Variants in KCNJ3 observed in about 807,000 individuals in gnomAD.
KCNJ3 encodes G protein-activated inward rectifier potassium channel 1.
KCNJ3 carries 4 observed loss-of-function variants against 39.2 expected under a neutral mutation model. The observed-to-expected ratio is 0.10, with a 90% CI of 0.05 to 0.23. The LOEUF (loss-of-function observed/expected upper bound fraction) is 0.23, where lower values mean the gene tolerates loss of function less well. Ranked by LOEUF, KCNJ3 falls within the 10% of genes least tolerant of loss-of-function variation. KCNJ3 has a pLI of 1.00. For synonymous variants in KCNJ3, 230 were observed against 237.4 expected (o/e 0.97, Z 0.29); for missense variants, 276 against 634.9 (o/e 0.43, Z 6.08).
intron 2 of KCNJ3, among the ~76,000 whole-genome samples, chr2:154,733,999 A>G (rs1395844601): frequency 6.6e-6 from 1 of 152,168 alleles, no homozygotes; most frequent in East Asian, 1.9e-4. Flanking sequence ...AGAACTCTGT[A>G]TTACGTTTGC....
At chr2:154,729,102 TAATC>T (rs1685409891) in intron 2 of KCNJ3, among the ~76,000 whole-genome samples, 1 of 152,190 alleles carries the variant, frequency 6.6e-6, no homozygotes, top group Admixed American at 6.5e-5. Context: ...CTAAAACTAT[TAATC>T]AAGAATGGAA....
chr2:154,781,628 T>C (rs1686439798), intron 2 of KCNJ3, among the ~76,000 whole-genome samples: 1 of 152,198 alleles, frequency 6.6e-6, no homozygotes. Flanking sequence ...TTTAATAGCA[T>C]GCAAGATCTT....
At chr2:154,813,388 C>T (rs1227858505) in intron 2 of KCNJ3, among the ~76,000 whole-genome samples, 1 of 152,172 alleles carries the variant, frequency 6.6e-6, no homozygotes, top group East Asian at 1.9e-4. Flanking sequence ...CTCAAACAAA[C>T]ATTTTCATCA....
In KCNJ3 at chr2:154,818,464, A is replaced by G. The variant is rs1687117060; in HGVS notation, c.920-36263A>G. Among the ~76,000 whole-genome samples, 3 of 152,118 alleles carry G rather than the reference A, an allele frequency of 2.0e-5. No individual in the cohort carries two copies. The South Asian group carries it at 6.2e-4, about 31-fold the overall frequency. ...GAAGAATTGAGACAGCATCATTATT[A>G]CTTTGTTTTATTTAGCAGTCATTTG... On this transcript the variant is annotated intron_variant, in intron 2 of 2. Coordinates refer to ENST00000295101, the MANE Select transcript of KCNJ3 (RefSeq NM_002239.4).
intron 2 of KCNJ3, among the ~76,000 whole-genome samples, chr2:154,776,115 C>T (rs147122815): frequency 6.6e-6 from 1 of 151,950 alleles, no homozygotes; most frequent in African/African-American, 2.4e-5. Context: ...GATTCTCCTG[C>T]CTCAGCCTCC....
At chr2:154,824,562 A>G (rs1480512359) in intron 2 of KCNJ3, among the ~76,000 whole-genome samples, 1 of 152,172 alleles carries the variant, frequency 6.6e-6, no homozygotes, top group African/African-American at 2.4e-5. Flanking sequence ...TCAAGGATTT[A>G]TTGAGGTTCT....
At chr2:154,811,533 C>A (rs1687007870) in intron 2 of KCNJ3, among the ~76,000 whole-genome samples, 1 of 152,100 alleles carries the variant, frequency 6.6e-6, no homozygotes, top group African/African-American at 2.4e-5. Context: ...ACCTTGTGAT[C>A]CGCCCACCTT....
At chr2:154,747,220 C>T (rs1336117252) in intron 2 of KCNJ3, among the ~76,000 whole-genome samples, 1 of 151,916 alleles carries the variant, frequency 6.6e-6, no homozygotes, top group Non-Finnish European at 1.5e-5. Context: ...AAAACATACA[C>T]CCTTTAAGCT....
At chr2:154,716,703 G>T (rs947655078) in intron 2 of KCNJ3, among the ~76,000 whole-genome samples, 3 of 152,126 alleles carry the variant, frequency 2.0e-5, no homozygotes, top group Admixed American at 2.0e-4. Context: ...ATAAACTTCC[G>T]ATATTGGTTA....
chr2:154,817,139 T>TA (rs967101370), intron 2 of KCNJ3, among the ~76,000 whole-genome samples: 2 of 152,170 alleles, frequency 1.3e-5, no homozygotes, highest in African/African-American at 4.8e-5. Flanking sequence ...CCCCTGATAA[T>TA]AAGAACCTAT....
intron 2 of KCNJ3, among the ~76,000 whole-genome samples, chr2:154,724,372 G>A (rs1226506645): frequency 6.6e-6 from 1 of 151,968 alleles, no homozygotes; most frequent in Non-Finnish European, 1.5e-5. Flanking sequence ...GAATATCTTA[G>A]TTCAGTAAGT....
intron 2 of KCNJ3, among the ~76,000 whole-genome samples, chr2:154,759,404 G>A (rs568467762): frequency 1.2e-3 from 175 of 151,620 alleles, no homozygotes; most frequent in Non-Finnish European, 2.2e-3. Flanking sequence ...CTTCATCGTG[G>A]TATTAAATTC....
Position 154,771,244 on chromosome 2 carries a change from A to G in KCNJ3, c.919+61425A>G, listed in dbSNP as rs560921061. On this transcript the variant is annotated intron_variant, in intron 2 of 2. Transcript: ENST00000295101. Reference sequence around the variant, plus strand: ...TAAAGGAAATTTATCTGGAAGAGGAAGGGGAAAAAAGCTATTGATTCTGTC... The same window carrying G: ...TAAAGGAAATTTATCTGGAAGAGGAGGGGGAAAAAAGCTATTGATTCTGTC... Among the ~76,000 whole-genome samples, 8 of 152,274 alleles carry G rather than the reference A, an allele frequency of 5.3e-5. No individual in the cohort carries two copies. The South Asian group carries it at 1.7e-3, about 32-fold the overall frequency.
intron 2 of KCNJ3, among the ~76,000 whole-genome samples, chr2:154,795,361 A>C (rs1231924387): frequency 6.6e-6 from 1 of 151,918 alleles, no homozygotes; most frequent in Non-Finnish European, 1.5e-5. Flanking sequence ...TGATTTCGCT[A>C]TCAAGAATCT....
At chr2:154,771,845 A>G (rs1686247463) in intron 2 of KCNJ3, among the ~76,000 whole-genome samples, 1 of 152,220 alleles carries the variant, frequency 6.6e-6, no homozygotes, top group Non-Finnish European at 1.5e-5. Context: ...GGAGGAATTG[A>G]TATCAGCAAG....
intron 2 of KCNJ3, among the ~76,000 whole-genome samples, chr2:154,718,099 C>A (rs1444083425): frequency 6.6e-6 from 1 of 152,122 alleles, no homozygotes; most frequent in Non-Finnish European, 1.5e-5. Context: ...AGACTTACTA[C>A]CTTATCAGGA....
chr2:154,801,555 TTTTC>T lies in KCNJ3; in HGVS notation c.920-53158_920-53155del, dbSNP rs796265456. 7.7e-3 allele frequency among the ~76,000 whole-genome samples: 1,165 copies of T among 151,356 alleles called. 9 individuals carry two copies. The highest frequency in any genetic ancestry group is 0.026 in the African/African-American group (1,088 of 41,214). On this transcript the variant is annotated intron_variant, in intron 2 of 2. Transcript: ENST00000295101. ...TTTCCTTCTTTCTTTCTTTCTTTTC[TTTTC>T]TTTCTTTCTTTCTCTGTCTCTCTCT...
At chr2:154,816,422 C>T (rs797002563) in intron 2 of KCNJ3, among the ~76,000 whole-genome samples, 8 of 152,198 alleles carry the variant, frequency 5.3e-5, no homozygotes, top group African/African-American at 1.9e-4. Context: ...ATGCAACATG[C>T]ATTTTAGAAT....
intron 2 of KCNJ3, among the ~76,000 whole-genome samples, chr2:154,719,751 T>A (rs1472301179): frequency 1.3e-5 from 2 of 152,152 alleles, no homozygotes; most frequent in East Asian, 3.9e-4. Flanking sequence ...TTTAAACTAT[T>A]TGAGGGCTTC....
Sources: gnomAD v4.1 joint callset for allele counts (sites outside exome capture counted in the v4.1 genomes callset) on GRCh38, gnomAD v4.1.1 for gene constraint, MANE v1.5 for transcripts, NCBI Gene and HGNC (gene_info 2026-07-23, HGNC 2026-07-21) for gene names.